EPHA3: variants seen among roughly 807,000 people sequenced by gnomAD.
EPHA3 encodes the protein EPH receptor A3.
In EPHA3, 42 loss-of-function variants were observed where a neutral mutation model predicts 107.1. The ratio of observed to expected loss-of-function variants is 0.39; its 90% CI spans 0.31 to 0.51. The LOEUF is 0.51. Ranked by LOEUF, EPHA3 falls within the 20% of genes least tolerant of loss-of-function variation. EPHA3 has a pLI of 0.78. For missense variants in EPHA3, 1,183 were observed against 1,211.2 expected (o/e 0.98, Z 0.35); for synonymous variants, 461 against 424.8 (o/e 1.09, Z -1.05).
At chr3:89,164,433 A>G (rs1014698954) in intron 2 of EPHA3, among the ~76,000 whole-genome samples, 28 of 152,318 alleles carry the variant, frequency 1.8e-4, no homozygotes, top group African/African-American at 5.8e-4. Flanking sequence ...TGCAGAGTGT[A>G]TGCTATTGCT....
At chr3:89,316,505 AATATAT>A (rs58576798) in intron 3 of EPHA3, among the ~76,000 whole-genome samples, 16,190 of 103,980 alleles carry the variant, frequency 0.16, 1,148 homozygotes, top group Admixed American at 0.17. Flanking sequence ...GTGTGTGTGT[AATATAT>A]ATATATATAT....
At chr3:89,128,977 G>C (rs944181751) in intron 2 of EPHA3, among the ~76,000 whole-genome samples, 1 of 152,074 alleles carries the variant, frequency 6.6e-6, no homozygotes, top group Non-Finnish European at 1.5e-5. Flanking sequence ...TTAGCACCTT[G>C]CTGGGTAAAG....
Position 89,399,333 on chromosome 3 carries a change from A to C in EPHA3, c.1447A>C (p.Ser483Arg). Residue 483 changes from serine to arginine, a missense_variant, in exon 7 of 17, where the codon AGT (serine) becomes CGT (arginine). Transcript: ENST00000336596. ...KYYEKQEQET[S>R]YTILRARGTN... ...GACCTCAAAGCAGGAACAAGAAACA[A>C]GTTATACCATTCTGAGGGCAAGAGG... 1.9e-6 allele frequency: 3 copies of C among 1,610,038 alleles called. No homozygotes were observed. The highest frequency in any genetic ancestry group is 2.5e-6 in the Non-Finnish European group (3 of 1,177,058).
rs1559603063 is a variant in EPHA3 at position 89,211,802 on chromosome 3, TCTTCTTCTTCTTCTTCTC to T, written c.814+1288_814+1305del. Reference sequence around the variant, plus strand: ...TTCTTCTTCTTCTTCTTCTTCTTCTTCTTCTTCTTCTTCTTCTCCTTCTCCTCCTCCTCCTCTTTCTTT... The same window carrying T: ...TTCTTCTTCTTCTTCTTCTTCTTCTTCTTCTCCTCCTCCTCCTCTTTCTTT... On this transcript the variant is annotated intron_variant, in intron 3 of 16. Transcript: ENST00000336596. Among the ~76,000 whole-genome samples the T allele has an allele frequency of 8.0e-3, 764 of 95,228 alleles. 9 individuals carry two copies. The highest frequency in any genetic ancestry group is 0.028 in the African/African-American group (597 of 21,318). The allele number at this position is 95,228 out of a possible 152,430, so 62.5% of individuals were successfully genotyped here. A position where few individuals can be genotyped will look rare whatever the true frequency, so the allele number is the denominator to read the frequency against.
In EPHA3 at chr3:89,134,604, A is replaced by C. The variant is rs566428263; in HGVS notation, c.153+7331A>C. On this transcript the variant is annotated intron_variant, in intron 2 of 16. Coordinates refer to ENST00000336596, the MANE Select transcript of EPHA3 (RefSeq NM_005233.6). The stretch of plus-strand genomic sequence containing the variant: ...GGTGTATATGTGCCACATTTTCTTA[A>C]TCCAGTCTATCATTGTTCGACATTT... Among the ~76,000 whole-genome samples, 7 of 152,110 alleles carry C rather than the reference A, an allele frequency of 4.6e-5. No homozygotes were observed. In the South Asian group the frequency reaches 1.5e-3, roughly 32 times the overall value.
At chr3:89,170,045 G>A (rs1242588529) in intron 2 of EPHA3, among the ~76,000 whole-genome samples, 1 of 151,764 alleles carries the variant, frequency 6.6e-6, no homozygotes, top group East Asian at 1.9e-4. Context: ...TCAGGGGATC[G>A]AGACCATCCT....
chr3:89,204,486 A>G (rs1576228213), intron 2 of EPHA3, among the ~76,000 whole-genome samples: 1 of 23,936 alleles, frequency 4.2e-5, no homozygotes, highest in Admixed American at 6.4e-4. Context: ...CACACCACAC[A>G]CACACACACA....
chr3:89,305,122 G>C (rs1032965195), intron 3 of EPHA3, among the ~76,000 whole-genome samples: 2 of 152,034 alleles, frequency 1.3e-5, no homozygotes, highest in Non-Finnish European at 2.9e-5. Context: ...CTATTGTTAA[G>C]GAATTCTCCA....
Position 89,349,713 on chromosome 3 carries a change from G to C in EPHA3, c.1306+7623G>C, listed in dbSNP as rs1270730749. ...GTTGATGCAGTTTCTTCCTAGTCTCGATGGTCTTTACATTTTGGCATGATT... is the reference window on the plus strand; with the variant it reads ...GTTGATGCAGTTTCTTCCTAGTCTCCATGGTCTTTACATTTTGGCATGATT... On this transcript the variant is annotated intron_variant, in intron 5 of 16. Coordinates refer to ENST00000336596, the MANE Select transcript of EPHA3 (RefSeq NM_005233.6). 8.9e-4 allele frequency among the ~76,000 whole-genome samples: 132 copies of C among 149,030 alleles called. 2 individuals are homozygous for C. The East Asian group carries it at 0.018, about 20-fold the overall frequency.
chr3:89,315,360 G>A (rs1576306728), intron 3 of EPHA3, among the ~76,000 whole-genome samples: 1 of 151,134 alleles, frequency 6.6e-6, no homozygotes, highest in African/African-American at 2.5e-5. Flanking sequence ...ATCAACTATA[G>A]TATGTGATGA....
At chr3:89,114,834 G>T (rs1468756920) in intron 1 of EPHA3, among the ~76,000 whole-genome samples, 1 of 152,224 alleles carries the variant, frequency 6.6e-6, no homozygotes, top group African/African-American at 2.4e-5. Flanking sequence ...CTTGCCACCT[G>T]GACCCTCCTT....
At chr3:89,431,813 A>G (rs1243596256) in intron 13 of EPHA3, among the ~76,000 whole-genome samples, 1 of 152,192 alleles carries the variant, frequency 6.6e-6, no homozygotes, top group Admixed American at 6.5e-5. Flanking sequence ...AAAGTTGTCC[A>G]TAATTGTGCC....
chr3:89,315,599 G>A (rs1270523573), intron 3 of EPHA3, among the ~76,000 whole-genome samples: 2 of 148,480 alleles, frequency 1.3e-5, no homozygotes, highest in Non-Finnish European at 3.0e-5. Context: ...AATCTGTGAA[G>A]AGAAATTTCC....
chr3:89,201,163 A>G (rs1705959454), intron 2 of EPHA3, among the ~76,000 whole-genome samples: 2 of 152,262 alleles, frequency 1.3e-5, no homozygotes, highest in South Asian at 2.1e-4. Flanking sequence ...CATATCCTAC[A>G]TGGCTGGAGC....
At position 89,408,065 on chromosome 3, in the gene EPHA3, A is replaced by T. The variant is rs767179549; in HGVS notation, c.1698-2A>T. The T allele has an allele frequency of 6.2e-7, 1 of 1,612,582 alleles. No homozygotes were observed. Among genetic ancestry groups the T allele is most frequent in the African/African-American group, 1.3e-5 (1 of 74,846 alleles). On this transcript the variant is annotated splice_acceptor_variant, in intron 8 of 16. Coordinates refer to ENST00000336596, the MANE Select transcript of EPHA3 (RefSeq NM_005233.6). LOFTEE classifies it high-confidence loss of function. ...TGTTCGCTTTCCTTGATTTACCTCC[A>T]GGTTCTGTGGCTATAAGTCAAAACA...
At chr3:89,159,070 T>G (rs1315082543) in intron 2 of EPHA3, among the ~76,000 whole-genome samples, 1 of 152,152 alleles carries the variant, frequency 6.6e-6, no homozygotes, top group Non-Finnish European at 1.5e-5. Flanking sequence ...ATTAATATAT[T>G]AGTTCATTTT....
intron 10 of EPHA3, among the ~76,000 whole-genome samples, chr3:89,418,692 G>A (rs1576368239): frequency 6.6e-6 from 1 of 151,340 alleles, no homozygotes; most frequent in South Asian, 2.1e-4. Flanking sequence ...TGTCAGTAAA[G>A]CAACACACCA....
At chr3:89,225,438 A>G (rs2107214773) in intron 3 of EPHA3, among the ~76,000 whole-genome samples, 1 of 152,336 alleles carries the variant, frequency 6.6e-6, no homozygotes, top group South Asian at 2.1e-4. Context: ...TATACATCTC[A>G]GCCTGTTGCA....
intron 3 of EPHA3, among the ~76,000 whole-genome samples, chr3:89,262,447 T>G (rs1705438036): frequency 6.6e-6 from 1 of 152,240 alleles, no homozygotes. Flanking sequence ...GGCTTGTAGC[T>G]ATGTCACTCT....
Sources: allele counts gnomAD v4.1 joint callset (sites outside exome capture counted in the v4.1 genomes callset), GRCh38; gene constraint gnomAD v4.1.1; transcripts MANE v1.5; gene names NCBI Gene and HGNC (gene_info 2026-07-23, HGNC 2026-07-21).